The following IQGAP2 variants were observed in gnomAD, a reference collection of about 807,000 sequenced individuals.
The protein encoded by IQGAP2 is IQ motif containing GTPase activating protein 2.
In IQGAP2, 173 loss-of-function variants were observed where a neutral mutation model predicts 201.3. The observed-to-expected ratio is 0.86, with a 90% CI of 0.76 to 0.98. The LOEUF is 0.98. Among genes scored for constraint, IQGAP2 ranks in the 50% least tolerant of loss-of-function variants. The pLI, the probability that IQGAP2 is intolerant of heterozygous loss-of-function variation, is 0.00. For missense variants in IQGAP2, 1,687 were observed against 1,864.8 expected (o/e 0.90, Z 1.76); for synonymous variants, 675 against 673.9 (o/e 1.00, Z -0.03).
At position 76,631,962 on chromosome 5, in the gene IQGAP2, C is replaced by T. The variant is rs1750744395; in HGVS notation, c.1716C>T (p.Ile572=). Residue 572 remains isoleucine, a synonymous_variant, in exon 15 of 36, where the codon ATC becomes ATT. Transcript: ENST00000274364. ...KSSTSNANDI[I]PECADKYYDA... ...CCACTTCTAATGCAAATGACATAAT[C>T]CCGGAGTGTGCTGACAAATACTATG... 1 of 1,612,520 alleles carries T rather than the reference C, an allele frequency of 6.2e-7. No homozygotes were observed. The highest frequency in any genetic ancestry group is 8.5e-7 in the Non-Finnish European group (1 of 1,179,064).
intron 30 of IQGAP2, among the ~76,000 whole-genome samples, chr5:76,690,507 A>G (rs1746169396): frequency 6.6e-6 from 1 of 152,170 alleles, no homozygotes; most frequent in Admixed American, 6.5e-5. Context: ...CCTAAGACTA[A>G]CCAGGTTTCA....
intron 17 of IQGAP2, 121 bp downstream of exon 17, chr5:76,641,224 C>A: frequency 1.4e-6 from 1 of 722,236 alleles, no homozygotes; most frequent in Non-Finnish European, 2.2e-6. Flanking sequence ...CATATTTTTA[C>A]ATAATCAGTG....
chr5:76,420,084 G>A (rs1041828569), intron 1 of IQGAP2, among the ~76,000 whole-genome samples: 12 of 152,138 alleles, frequency 7.9e-5, no homozygotes. Context: ...ATCCTCTGAG[G>A]AGTCCAGGCC....
chr5:76,487,126 G>A (rs1357350879), intron 2 of IQGAP2, among the ~76,000 whole-genome samples: 1 of 149,048 alleles, frequency 6.7e-6, no homozygotes, highest in Middle Eastern at 3.2e-3. Context: ...TGAGATGGAG[G>A]CTTGCTCTGT....
chr5:76,480,866 A>C (rs1755744580), intron 2 of IQGAP2, among the ~76,000 whole-genome samples: 1 of 149,592 alleles, frequency 6.7e-6, no homozygotes, highest in African/African-American at 2.6e-5. Flanking sequence ...AAAGAACAGA[A>C]ATTTGTTTCT....
In IQGAP2 at chr5:76,626,396, A is replaced by T. The variant is rs577704636; in HGVS notation, c.1522-1014A>T. Among the ~76,000 whole-genome samples, 125 of 147,956 alleles carry T rather than the reference A, an allele frequency of 8.4e-4. 1 individual carries two copies. Among genetic ancestry groups the T allele is most frequent in the Middle Eastern group, 3.6e-3 (1 of 274 alleles). On this transcript the variant is annotated intron_variant, in intron 13 of 35. Transcript: ENST00000274364. ...CAAGCAATCCTCCCGCCTTCCTCCC[A>T]AGTAGCTGGGACTACAGGCATGCAC...
At chr5:76,702,263 A>G (rs1181176494) in intron 34 of IQGAP2, among the ~76,000 whole-genome samples, 1 of 152,256 alleles carries the variant, frequency 6.6e-6, no homozygotes, top group Non-Finnish European at 1.5e-5. Context: ...CACCTATGTC[A>G]GAACTCTATG....
At position 76,471,364 on chromosome 5, in the gene IQGAP2, C is replaced by CAAA. The variant is rs59781605; in HGVS notation, c.146+9715_146+9717dup. Among the ~76,000 whole-genome samples the CAAA allele has an allele frequency of 1.4e-4, 10 of 72,522 alleles. No individual in the cohort carries two copies. In the East Asian group the frequency reaches 1.8e-3, roughly 13 times the overall value. 47.6% of individuals were successfully genotyped at this position (72,522 alleles called of 152,430 possible). On this transcript the variant is annotated intron_variant, in intron 2 of 35. Transcript: ENST00000274364. ...GTCCTACCTCTGAAAATAAACTAAG[C>CAAA]AAAAAAAAAAAAAAAAAAAAAACAC...
At chr5:76,612,920 C>T (rs1285398114) in intron 13 of IQGAP2, among the ~76,000 whole-genome samples, 4 of 152,192 alleles carry the variant, frequency 2.6e-5, no homozygotes, top group African/African-American at 4.8e-5. Context: ...TAAATAATTA[C>T]TGTTTCTAAA....
At chr5:76,589,462 G>A (rs1746488557) in intron 6 of IQGAP2, among the ~76,000 whole-genome samples, 153 bp from the exon 7 acceptor site, 1 of 152,062 alleles carries the variant, frequency 6.6e-6, no homozygotes, top group African/African-American at 2.4e-5. Flanking sequence ...TGTGAAATGA[G>A]AAACTTGGGC....
At chr5:76,410,812 A>G (rs1293389431) in intron 1 of IQGAP2, among the ~76,000 whole-genome samples, 1 of 152,194 alleles carries the variant, frequency 6.6e-6, no homozygotes, top group Non-Finnish European at 1.5e-5. Flanking sequence ...TTGAAGAATG[A>G]CTTAGACTGT....
At chr5:76,521,123 G>GT (rs5868830) in intron 2 of IQGAP2, among the ~76,000 whole-genome samples, 114,710 of 152,040 alleles carry the variant, frequency 0.75, 43,686 homozygotes, top group East Asian at 0.96. Context: ...TTTTTTGTTT[G>GT]TTTTTTTACC....
intron 1 of IQGAP2, among the ~76,000 whole-genome samples, chr5:76,423,539 T>C (rs1382282903): frequency 6.6e-6 from 1 of 152,196 alleles, no homozygotes; most frequent in African/African-American, 2.4e-5. Flanking sequence ...GAGAATCGCT[T>C]GAACCTAGGA....
At chr5:76,583,095 G>T (rs1485257944) in intron 5 of IQGAP2, among the ~76,000 whole-genome samples, 2 of 152,160 alleles carry the variant, frequency 1.3e-5, no homozygotes, top group Admixed American at 1.3e-4. Context: ...CCTTTGACTT[G>T]GCTGTTAGGT....
At chr5:76,540,054 T>G (rs895804291) in intron 2 of IQGAP2, among the ~76,000 whole-genome samples, 14 of 152,150 alleles carry the variant, frequency 9.2e-5, no homozygotes, top group African/African-American at 2.7e-4. Flanking sequence ...TTTAATTAGC[T>G]GCAGGAATTG....
intron 20 of IQGAP2, among the ~76,000 whole-genome samples, chr5:76,656,965 A>C (rs1369256783): frequency 1.3e-5 from 2 of 152,162 alleles, no homozygotes; most frequent in Non-Finnish European, 2.9e-5. Context: ...AATGTCACTG[A>C]ACGCATTCCA....
rs1177347659 is a variant in IQGAP2 at position 76,503,430 on chromosome 5, G to A, written c.146+41761G>A. ...CTTCAGGCGATCCACCTGCCTCAGT[G>A]TCCTAAAGTGCTGGGATTACAGGCA... On this transcript the variant is annotated intron_variant, in intron 2 of 35. Coordinates refer to ENST00000274364, the MANE Select transcript of IQGAP2 (RefSeq NM_006633.5). Among the ~76,000 whole-genome samples, 9 of 151,632 alleles carry A rather than the reference G, an allele frequency of 5.9e-5. No homozygotes were observed. The South Asian group carries it at 1.3e-3, about 21-fold the overall frequency.
intron 2 of IQGAP2, among the ~76,000 whole-genome samples, chr5:76,502,834 C>G (rs1205163204): frequency 6.6e-6 from 1 of 152,066 alleles, no homozygotes; most frequent in African/African-American, 2.4e-5. Flanking sequence ...TTCCTGGGCT[C>G]AAGTGATCCT....
intron 2 of IQGAP2, among the ~76,000 whole-genome samples, chr5:76,465,629 A>C (rs957016845): frequency 2.0e-5 from 3 of 152,200 alleles, no homozygotes; most frequent in Admixed American, 6.5e-5. Context: ...AATCCATAGG[A>C]ATCTACTAAA....
Sources: allele counts gnomAD v4.1 joint callset (sites outside exome capture counted in the v4.1 genomes callset), GRCh38; gene constraint gnomAD v4.1.1; transcripts MANE v1.5; gene names NCBI Gene and HGNC (gene_info 2026-07-23, HGNC 2026-07-21).